Variants in ZCCHC7 observed in about 807,000 individuals in gnomAD.
The protein encoded by ZCCHC7 is zinc finger CCHC domain-containing protein 7.
Under a neutral mutation model 52.0 loss-of-function variants are expected in ZCCHC7, and 35 were observed. That is an observed-to-expected ratio of 0.67 (90% CI 0.51 to 0.89). ZCCHC7 has a LOEUF of 0.89. Among genes scored for constraint, ZCCHC7 ranks in the 40% least tolerant of loss-of-function variants. The pLI is 0.00. For missense variants in ZCCHC7, 574 were observed against 649.1 expected (o/e 0.88, Z 1.26); for synonymous variants, 217 against 221.5 (o/e 0.98, Z 0.18).
At chr9:37,142,919 G>A (rs775134409) in intron 2 of ZCCHC7, among the ~76,000 whole-genome samples, 46 of 151,798 alleles carry the variant, frequency 3.0e-4, no homozygotes, top group Non-Finnish European at 5.9e-4. Context: ...AATTCTGTTA[G>A]CATGTTTTAC....
At chr9:37,321,607 A>G (rs1219252340) in intron 5 of ZCCHC7, among the ~76,000 whole-genome samples, 2 of 152,066 alleles carry the variant, frequency 1.3e-5, no homozygotes, top group East Asian at 3.9e-4. Context: ...CTACAAAAAA[A>G]TGAAAAATTA....
intron 2 of ZCCHC7, among the ~76,000 whole-genome samples, chr9:37,253,623 A>G (rs630804): frequency 0.032 from 4,860 of 151,598 alleles, 181 homozygotes; most frequent in African/African-American, 0.081. Context: ...AGATTCACAT[A>G]AAAAAAAATT....
chr9:37,183,560 G>A (rs575616196), intron 2 of ZCCHC7, among the ~76,000 whole-genome samples: 4 of 152,102 alleles, frequency 2.6e-5, no homozygotes, highest in Non-Finnish European at 4.4e-5. Flanking sequence ...GAACCATAGC[G>A]TTGTTGATAT....
intron 2 of ZCCHC7, among the ~76,000 whole-genome samples, chr9:37,269,599 A>G (rs1827287275): frequency 7.0e-6 from 1 of 142,460 alleles, no homozygotes; most frequent in Admixed American, 7.0e-5. Context: ...AACCTGAGCA[A>G]CAGAGTGAGA....
At chr9:37,125,918 G>T (rs558969346) in intron 1 of ZCCHC7, among the ~76,000 whole-genome samples, 1 of 152,150 alleles carries the variant, frequency 6.6e-6, no homozygotes, top group Non-Finnish European at 1.5e-5. Context: ...ATTTGGCACC[G>T]TTACATGCTG....
At chr9:37,183,852 C>G (rs1000792410) in intron 2 of ZCCHC7, among the ~76,000 whole-genome samples, 3 of 152,314 alleles carry the variant, frequency 2.0e-5, no homozygotes, top group South Asian at 4.1e-4. Flanking sequence ...CCCAACTCCT[C>G]TTGCTCCAGA....
intron 2 of ZCCHC7, among the ~76,000 whole-genome samples, chr9:37,161,374 A>G (rs572587702): frequency 6.6e-6 from 1 of 152,170 alleles, no homozygotes; most frequent in Non-Finnish European, 1.5e-5. Context: ...GGAGATCGAG[A>G]CCATCCTGGC....
chr9:37,292,461 A>G (rs1408549601), intron 2 of ZCCHC7, among the ~76,000 whole-genome samples: 1 of 152,234 alleles, frequency 6.6e-6, no homozygotes, highest in Non-Finnish European at 1.5e-5. Flanking sequence ...TGTAAGAAGA[A>G]AAATAATGTA....
intron 2 of ZCCHC7, among the ~76,000 whole-genome samples, chr9:37,261,530 TGTG>T (rs1455431295): frequency 6.6e-6 from 1 of 152,204 alleles, no homozygotes; most frequent in Non-Finnish European, 1.5e-5. Context: ...AAAAATAAGT[TGTG>T]GTGAGCAAGA....
chr9:37,203,497 G>A (rs1214750647), intron 2 of ZCCHC7, among the ~76,000 whole-genome samples: 3 of 151,852 alleles, frequency 2.0e-5, no homozygotes, highest in South Asian at 2.1e-4. Context: ...GTTGTTCCCC[G>A]CCCTGTGTTT....
intron 6 of ZCCHC7, among the ~76,000 whole-genome samples, chr9:37,332,979 A>C (rs80109757): frequency 6.6e-6 from 1 of 151,578 alleles, no homozygotes; most frequent in African/African-American, 2.4e-5. Flanking sequence ...TGAGAACCTT[A>C]GTATTTTCTT....
At chr9:37,241,032 C>G (rs1247613042) in intron 2 of ZCCHC7, among the ~76,000 whole-genome samples, 1 of 151,858 alleles carries the variant, frequency 6.6e-6, no homozygotes, top group East Asian at 1.9e-4. Context: ...TGAGATTTAT[C>G]TAGGCCTCTT....
At chr9:37,227,110 A>T (rs1031927094) in intron 2 of ZCCHC7, among the ~76,000 whole-genome samples, 1 of 152,168 alleles carries the variant, frequency 6.6e-6, no homozygotes, top group Non-Finnish European at 1.5e-5. Flanking sequence ...ACAAGCTATA[A>T]AAAGAAAAAT....
intron 6 of ZCCHC7, among the ~76,000 whole-genome samples, chr9:37,339,199 T>C (rs1489325270): frequency 6.6e-6 from 1 of 152,174 alleles, no homozygotes; most frequent in East Asian, 1.9e-4. Flanking sequence ...ACAGCACTCT[T>C]TTAAAATAAT....
chr9:37,234,590 A>G (rs1412191094), intron 2 of ZCCHC7, among the ~76,000 whole-genome samples: 2 of 152,212 alleles, frequency 1.3e-5, no homozygotes, highest in Non-Finnish European at 2.9e-5. Flanking sequence ...TACCCTATGG[A>G]TAGATTTTCT....
chr9:37,220,039 G>T (rs1824729111), intron 2 of ZCCHC7, among the ~76,000 whole-genome samples: 1 of 152,160 alleles, frequency 6.6e-6, no homozygotes, highest in African/African-American at 2.4e-5. Context: ...GAAAGAGTTT[G>T]ATGTGGAAAA....
At chr9:37,280,338 A>G (rs1273373109) in intron 2 of ZCCHC7, among the ~76,000 whole-genome samples, 3 of 152,246 alleles carry the variant, frequency 2.0e-5, no homozygotes, top group Non-Finnish European at 4.4e-5. Context: ...TAAAACTACC[A>G]GTAAGGACAT....
intron 6 of ZCCHC7, among the ~76,000 whole-genome samples, chr9:37,344,303 A>C (rs934684612): frequency 2.0e-5 from 3 of 152,160 alleles, no homozygotes; most frequent in Non-Finnish European, 2.9e-5. Context: ...ACAGCTACCA[A>C]CTAGTTATTG....
intron 3 of ZCCHC7, among the ~76,000 whole-genome samples, chr9:37,302,557 G>C (rs1287212855): frequency 6.6e-6 from 1 of 152,178 alleles, no homozygotes; most frequent in Non-Finnish European, 1.5e-5. Flanking sequence ...CTATTTTTAG[G>C]ATGTGGCAGG....
Sources: gnomAD v4.1 joint callset for allele counts (sites outside exome capture counted in the v4.1 genomes callset) on GRCh38, gnomAD v4.1.1 for gene constraint, MANE v1.5 for transcripts, NCBI Gene and HGNC (gene_info 2026-07-23, HGNC 2026-07-21) for gene names.